The following WDR17 variants were observed in gnomAD, a reference collection of about 807,000 sequenced individuals.
WDR17 encodes the protein WD repeat-containing protein 17.
WDR17 carries 143 observed loss-of-function variants against 161.7 expected under a neutral mutation model. That is an observed-to-expected ratio of 0.88 (90% confidence interval 0.77 to 1.02). The LOEUF (loss-of-function observed/expected upper bound fraction) is 1.02, where lower values mean the gene tolerates loss of function less well. Ranked by LOEUF, WDR17 falls within the 50% of genes least tolerant of loss-of-function variation. The pLI is 0.00. For missense variants in WDR17, 1,469 were observed against 1,520.9 expected, an observed-to-expected ratio of 0.97 and a Z score of 0.57; for synonymous variants, 517 against 515.6, an observed-to-expected ratio of 1.00 and a Z score of -0.04.
intron 11 of WDR17, 72 bp downstream of exon 11, chr4:176,142,141 G>A: frequency 7.8e-7 from 1 of 1,278,572 alleles, no homozygotes; most frequent in Non-Finnish European, 1.1e-6. Context: ...AAAGTTTAGT[G>A]CTATTTCCAA....
chr4:176,077,301 A>G (rs1323193811), intron 1 of WDR17, among the ~76,000 whole-genome samples: 2 of 151,940 alleles, frequency 1.3e-5, no homozygotes, highest in African/African-American at 2.4e-5. Flanking sequence ...CAGGCCATGC[A>G]TGGTTTAATA....
Position 176,130,308 on chromosome 4 carries a change from G to A in WDR17, c.914-1246G>A, listed in dbSNP as rs557366731. On this transcript the variant is annotated intron_variant, in intron 6 of 28. Transcript: ENST00000508596. ...TTAAACAAAATATCAACGAAATTTAGTGAACCAAATTCATTGCTACCAAAT... is the reference window on the plus strand; with the variant it reads ...TTAAACAAAATATCAACGAAATTTAATGAACCAAATTCATTGCTACCAAAT... 2.0e-5 allele frequency among the ~76,000 whole-genome samples: 3 copies of A among 151,194 alleles called. No homozygotes were observed. In the South Asian group the frequency reaches 6.3e-4, roughly 32 times the overall value.
chr4:176,091,246 G>A (rs1736085804), intron 1 of WDR17, among the ~76,000 whole-genome samples: 1 of 152,068 alleles, frequency 6.6e-6, no homozygotes, highest in Non-Finnish European at 1.5e-5. Context: ...CCATATGTTA[G>A]GTCACAAAAT....
At chr4:176,151,321 C>T (rs1396777133) in intron 16 of WDR17, among the ~76,000 whole-genome samples, 1 of 152,126 alleles carries the variant, frequency 6.6e-6, no homozygotes, top group African/African-American at 2.4e-5. Flanking sequence ...TACCTTTTAT[C>T]TGTTCTGTGT....
chr4:176,146,208 A>G, intron 12 of WDR17, 49 bp downstream of exon 12: 1 of 1,562,658 alleles, frequency 6.4e-7, no homozygotes, highest in Non-Finnish European at 8.7e-7. Context: ...TCATAAGCTT[A>G]TATTTTCCTA....
chr4:176,175,637 A>G (rs1417531173), intron 26 of WDR17, among the ~76,000 whole-genome samples: 1 of 152,144 alleles, frequency 6.6e-6, no homozygotes. Flanking sequence ...AGCCCACTGC[A>G]ACCTCCGCCT....
At chr4:176,105,603 T>A (rs1313900716) in intron 1 of WDR17, among the ~76,000 whole-genome samples, 1 of 152,058 alleles carries the variant, frequency 6.6e-6, no homozygotes, top group Non-Finnish European at 1.5e-5. Context: ...CTTAACACAC[T>A]CTCCAACAAC....
intron 28 of WDR17, among the ~76,000 whole-genome samples, 189 bp from the exon 29 acceptor site, chr4:176,179,271 G>A (rs941453904): frequency 6.6e-6 from 1 of 152,064 alleles, no homozygotes; most frequent in Non-Finnish European, 1.5e-5. Context: ...ATAATGTTAA[G>A]ACATTTGAAA....
intron 17 of WDR17, among the ~76,000 whole-genome samples, chr4:176,152,294 C>CAAAAAAAAACAAAAAAAA (rs1747273402): frequency 1.4e-5 from 1 of 72,164 alleles, no homozygotes; most frequent in Non-Finnish European, 2.8e-5. Context: ...GACCCTATCT[C>CAAAAAAAAACAAAAAAAA]AAAAAAAAAA....
intron 1 of WDR17, among the ~76,000 whole-genome samples, chr4:176,093,584 T>C (rs1281384109): frequency 6.6e-6 from 1 of 152,202 alleles, no homozygotes; most frequent in African/African-American, 2.4e-5. Flanking sequence ...TAAAATAAGT[T>C]AAATGTGTGA....
At chr4:176,163,091 A>G in intron 21 of WDR17, 63 bp from the exon 22 acceptor site, 1 of 1,584,528 alleles carries the variant, frequency 6.3e-7, no homozygotes, top group Non-Finnish European at 8.7e-7. Flanking sequence ...ATGAGCTTGG[A>G]GGGGAATGAT....
At chr4:176,141,633 A>G (rs934349927) in intron 10 of WDR17, among the ~76,000 whole-genome samples, 10 of 152,160 alleles carry the variant, frequency 6.6e-5, no homozygotes, top group African/African-American at 1.9e-4. Flanking sequence ...GGGTTTCACC[A>G]TGTTGGCCAG....
intron 1 of WDR17, among the ~76,000 whole-genome samples, chr4:176,099,848 C>G (rs1396209626): frequency 6.6e-6 from 1 of 151,954 alleles, no homozygotes; most frequent in Admixed American, 6.6e-5. Context: ...TGATATGTGA[C>G]TCTCTGTGCA....
chr4:176,174,614 T>TA lies in WDR17; in HGVS notation c.3348-2dup. The TA allele has an allele frequency of 6.2e-7, 1 of 1,600,928 alleles. No individual in the cohort carries two copies. Among genetic ancestry groups the TA allele is most frequent in the Non-Finnish European group, 8.5e-7 (1 of 1,172,358 alleles). On this transcript the variant is annotated splice_region_variant and splice_polypyrimidine_tract_variant and intron_variant, in intron 25 of 28. Transcript: ENST00000508596. Reference sequence around the variant, plus strand: ...TTATAAAAATAAATATATTCTCTTTTAGAGCTCGAAATGAGTTGCTGATAT... The same window carrying TA: ...TTATAAAAATAAATATATTCTCTTTTAAGAGCTCGAAATGAGTTGCTGATAT...
chr4:176,150,691 G>A (rs1561184418), intron 16 of WDR17, 98 bp downstream of exon 16: 6 of 1,204,380 alleles, frequency 5.0e-6, no homozygotes, highest in South Asian at 2.0e-5. Flanking sequence ...TGATTAGATC[G>A]GTAGATTTAA....
chr4:176,078,970 A>T (rs1734403820), intron 1 of WDR17, among the ~76,000 whole-genome samples: 1 of 151,798 alleles, frequency 6.6e-6, no homozygotes, highest in African/African-American at 2.4e-5. Flanking sequence ...ACTAGATCTT[A>T]TTCCTTCTAT....
At chr4:176,107,590 T>C (rs940058970) in intron 1 of WDR17, among the ~76,000 whole-genome samples, 3 of 151,660 alleles carry the variant, frequency 2.0e-5, no homozygotes, top group Non-Finnish European at 2.9e-5. Context: ...AATGGAATAT[T>C]ATTCAGCTTT....
intron 4 of WDR17, among the ~76,000 whole-genome samples, chr4:176,123,351 G>C (rs553237058): frequency 6.6e-6 from 1 of 152,200 alleles, no homozygotes; most frequent in Admixed American, 6.5e-5. Flanking sequence ...GCAGACACTC[G>C]CTGAGCGTCC....
chr4:176,158,332 A>G (rs748165579), intron 18 of WDR17, among the ~76,000 whole-genome samples: 21 of 152,188 alleles, frequency 1.4e-4, no homozygotes, highest in Non-Finnish European at 1.0e-4. Context: ...CAAATTTGAT[A>G]TATCTAGGAG....
Sources: allele counts gnomAD v4.1 joint callset (sites outside exome capture counted in the v4.1 genomes callset), GRCh38; gene constraint gnomAD v4.1.1; transcripts MANE v1.5; gene names NCBI Gene and HGNC (gene_info 2026-07-23, HGNC 2026-07-21).